EMILIN2: variants seen among roughly 807,000 people sequenced by gnomAD.
EMILIN2 encodes the protein EMILIN-2.
A neutral mutation model predicts 87.1 loss-of-function variants in EMILIN2; 71 were observed. The ratio of observed to expected loss-of-function variants is 0.82; its 90% CI spans 0.67 to 0.99. The LOEUF (loss-of-function observed/expected upper bound fraction) is 0.99. Among genes scored for constraint, EMILIN2 ranks in the 50% least tolerant of loss-of-function variants. EMILIN2 has a pLI of 0.00. For synonymous variants in EMILIN2, 581 were observed against 563.4 expected (o/e 1.03, Z -0.44); for missense variants, 1,407 against 1,371.8 (o/e 1.03, Z -0.40).
In EMILIN2 at chr18:2,847,978, C is replaced by CGGGGGG; in HGVS notation, c.257+49_257+50insGGGGGG. 1.6e-6 allele frequency: 1 copy of CGGGGGG among 610,230 alleles called. No individual in the cohort carries two copies. The highest frequency in any genetic ancestry group is 5.9e-5 in the East Asian group (1 of 17,090). The allele number at this position is 610,230 out of a possible 1,614,324, so 37.8% of individuals were successfully genotyped here. Reference sequence around the variant, plus strand: ...CGGGCGGGGCGCGCCCGGGCCGGGGCGGTGGGGGTGGGGTGGGGTTGCTGC... The same window carrying CGGGGGG: ...CGGGCGGGGCGCGCCCGGGCCGGGGCGGGGGGGGTGGGGGTGGGGTGGGGTTGCTGC... On this transcript the variant is annotated intron_variant, in intron 2 of 7. Coordinates refer to ENST00000254528, the MANE Select transcript of EMILIN2 (RefSeq NM_032048.3). This position sits in a 1 kb window ranked among gnomAD's most constrained non-coding sequence, Gnocchi z 4.5.
intron 2 of EMILIN2, among the ~76,000 whole-genome samples, chr18:2,849,119 A>C (rs1051073700): frequency 6.6e-6 from 1 of 152,210 alleles, no homozygotes; most frequent in African/African-American, 2.4e-5. Context: ...AGTTGGATAC[A>C]TTGTCAGAGA....
intron 2 of EMILIN2, among the ~76,000 whole-genome samples, chr18:2,850,714 G>A (rs2076597412): frequency 6.6e-6 from 1 of 152,186 alleles, no homozygotes; most frequent in African/African-American, 2.4e-5. Context: ...GGTTGGCCGA[G>A]ATGCTGGAGA....
At position 2,913,874 on chromosome 18, in the gene EMILIN2, A is replaced by C. The variant is rs1598509631; in HGVS notation, c.*470A>C. ...AAGTGGCCCGTGCCGCCGCACAGAG[A>C]CCCCGACTTTAGTTTGGGCTGTTCC... On this transcript the variant is annotated 3_prime_UTR_variant, in exon 8 of 8. Transcript: ENST00000254528. 6.3e-6 allele frequency: 1 copy of C among 157,844 alleles called. No homozygotes were observed. The highest frequency in any genetic ancestry group is 1.4e-5 in the Non-Finnish European group (1 of 71,246). The allele number at this position is 157,844 out of a possible 1,614,324, so 9.8% of individuals were successfully genotyped here. A position where few individuals can be genotyped will look rare whatever the true frequency, so the allele number is the denominator to read the frequency against.
Position 2,885,065 on chromosome 18 carries a change from A to C in EMILIN2, c.359A>C (p.Glu120Ala). The C allele has an allele frequency of 1.2e-6, 2 of 1,613,898 alleles. No individual in the cohort carries two copies. Among genetic ancestry groups the C allele is most frequent in the Non-Finnish European group, 1.7e-6 (2 of 1,179,934 alleles). The part of the protein sequence containing the change: ...CPGFRGGDCQ[E>A]GPKDPVKTLR... Reference sequence around the variant, plus strand: ...GGCTTTAGAGGGGGAGATTGCCAAGAAGGTCCCAAAGACCCCGTGAAGACC... The same window carrying C: ...GGCTTTAGAGGGGGAGATTGCCAAGCAGGTCCCAAAGACCCCGTGAAGACC... The change falls in exon 3 of 8, where the codon GAA becomes GCA. Residue 120 changes from glutamate to alanine, a missense_variant. Glu to Ala is a moderately radical substitution (Grantham distance 107). Transcript: ENST00000254528.
At chr18:2,893,971 T>C (rs1422543813) in intron 4 of EMILIN2, among the ~76,000 whole-genome samples, 1 of 152,166 alleles carries the variant, frequency 6.6e-6, no homozygotes, top group African/African-American at 2.4e-5. Context: ...TGCTTTGTGC[T>C]AGAAGGAACC....
intron 2 of EMILIN2, among the ~76,000 whole-genome samples, chr18:2,849,182 G>A (rs1023203521): frequency 1.3e-5 from 2 of 152,140 alleles, no homozygotes; most frequent in African/African-American, 2.4e-5. Context: ...AGACCTCATC[G>A]TCTATGGCCA....
chr18:2,877,436 G>GT (rs33950110), intron 2 of EMILIN2, among the ~76,000 whole-genome samples: 355 of 136,462 alleles, frequency 2.6e-3, no homozygotes, highest in Middle Eastern at 0.015. Context: ...TTGACTGACA[G>GT]TTTTTTTTTT....
Position 2,847,300 on chromosome 18 carries a change from G to C in EMILIN2, c.112G>C (p.Ala38Pro). The change falls in exon 1 of 8, where the codon GCG becomes CCG. Residue 38 changes from alanine to proline, a missense_variant. Coordinates refer to ENST00000254528, the MANE Select transcript of EMILIN2 (RefSeq NM_032048.3). The surrounding 1 kb of genome is among the most constrained non-coding windows in gnomAD (Gnocchi z 4.5). ...CGCCGGCCCGCAGCCCGGGTATCCC[G>C]CGCGGCCCAGCGCCAGGAACAAGTA... ...CHAGPQPGYP[A>P]RPSARNKNWC... is the part of the protein sequence containing the mutation. 1 of 1,314,310 alleles carries C rather than the reference G, an allele frequency of 7.6e-7. No homozygotes were observed. Among genetic ancestry groups the C allele is most frequent in the South Asian group, 2.0e-5 (1 of 49,032 alleles). The allele number at this position is 1,314,310 out of a possible 1,614,324, so 81.4% of individuals were successfully genotyped here.
rs150257380 is a variant in EMILIN2, at chr18:2,912,999, C to A, written c.2825-68C>A. ...CAGGCCCAGGTTAATCACTGGGGGG[C>A]CACTTACTACCATGGCAAGGGCTGT... On this transcript the variant is annotated intron_variant, in intron 7 of 7. Transcript: ENST00000254528. 3.9e-6 allele frequency: 6 copies of A among 1,531,306 alleles called. No homozygotes were observed. In the African/African-American group the frequency reaches 5.5e-5, roughly 14 times the overall value. 94.9% of individuals were successfully genotyped at this position (1,531,306 alleles called of 1,614,324 possible).
At chr18:2,858,412 T>A (rs1415137489) in intron 2 of EMILIN2, among the ~76,000 whole-genome samples, 1 of 150,348 alleles carries the variant, frequency 6.7e-6, no homozygotes, top group Non-Finnish European at 1.5e-5. Flanking sequence ...AACATAATGT[T>A]TGGTTTTCCA....
chr18:2,846,239 C>T (rs1598481309), upstream of EMILIN2, among the ~76,000 whole-genome samples: 1 of 152,192 alleles, frequency 6.6e-6, no homozygotes, highest in East Asian at 1.9e-4. The surrounding 1 kb of genome is among the most constrained non-coding windows in gnomAD (Gnocchi z 5.3). Flanking sequence ...AAGTTTAAGA[C>T]GGATGTCTAG....
intron 7 of EMILIN2, 130 bp from the exon 8 acceptor site, chr18:2,912,937 G>A (rs1180825395): frequency 1.5e-5 from 14 of 957,528 alleles, no homozygotes; most frequent in Non-Finnish European, 2.2e-5. Context: ...GAGGCAGGCA[G>A]CCAGCTACCA....
At chr18:2,852,443 G>C (rs1379746873) in intron 2 of EMILIN2, among the ~76,000 whole-genome samples, 1 of 152,186 alleles carries the variant, frequency 6.6e-6, no homozygotes, top group South Asian at 2.1e-4. Context: ...TTAAAAGCAG[G>C]CTTCCAGAAA....
At chr18:2,874,731 TAGAAC>T (rs1323701368) in intron 2 of EMILIN2, among the ~76,000 whole-genome samples, 1 of 152,240 alleles carries the variant, frequency 6.6e-6, no homozygotes, top group East Asian at 1.9e-4. Flanking sequence ...GGTCATAAAT[TAGAAC>T]AGAAATATAA....
At chr18:2,873,580 G>A (rs958380430) in intron 2 of EMILIN2, among the ~76,000 whole-genome samples, 113 of 151,434 alleles carry the variant, frequency 7.5e-4, no homozygotes, top group Admixed American at 8.6e-4. Context: ...GGTGGCGGGC[G>A]CCTGTAGTCC....
At chr18:2,906,648 C>T (rs2076913866) in intron 4 of EMILIN2, 135 bp from the exon 5 acceptor site, 2 of 679,884 alleles carry the variant, frequency 2.9e-6, no homozygotes, top group African/African-American at 1.9e-5. Context: ...GTCCCGCTGG[C>T]CTGACGTCGC....
At chr18:2,888,472 T>C (rs969325447) in intron 3 of EMILIN2, among the ~76,000 whole-genome samples, 1 of 152,012 alleles carries the variant, frequency 6.6e-6, no homozygotes, top group Non-Finnish European at 1.5e-5. Context: ...TCCCAGCACT[T>C]TGGGAGGCCG....
chr18:2,862,692 T>C (rs527637014), intron 2 of EMILIN2, among the ~76,000 whole-genome samples: 1 of 152,210 alleles, frequency 6.6e-6, no homozygotes, highest in Non-Finnish European at 1.5e-5. Context: ...TTTTTTTTGT[T>C]GTGTCTCTGC....
At chr18:2,878,229 C>A (rs2076759466) in intron 2 of EMILIN2, among the ~76,000 whole-genome samples, 1 of 152,188 alleles carries the variant, frequency 6.6e-6, no homozygotes, top group African/African-American at 2.4e-5. Context: ...GTGGCTCACA[C>A]CTGTAATCCC....
Sources: gnomAD v4.1 joint callset for allele counts (sites outside exome capture counted in the v4.1 genomes callset) on GRCh38, gnomAD v4.1.1 for gene constraint, Gnocchi (gnomAD v3.1) non-coding constraint, MANE v1.5 for transcripts, NCBI Gene and HGNC (gene_info 2026-07-23, HGNC 2026-07-21) for gene names.